The following FHIT variants were observed in gnomAD, a reference collection of about 807,000 sequenced individuals.
The protein encoded by FHIT is bis(5'-adenosyl)-triphosphatase.
A neutral mutation model predicts 17.9 loss-of-function variants in FHIT; 19 were observed. The observed-to-expected ratio is 1.06, with a 90% CI of 0.74 to 1.56. The LOEUF (loss-of-function observed/expected upper bound fraction) is 1.56, where lower values mean the gene tolerates loss of function less well. Among genes scored for constraint, FHIT ranks in the 40% most tolerant of loss-of-function variants. FHIT has a pLI of 0.00. For missense variants in FHIT, 248 were observed against 189.2 expected (o/e 1.31, Z -1.82); for synonymous variants, 81 against 69.7 (o/e 1.16, Z -0.81).
intron 5 of FHIT, among the ~76,000 whole-genome samples, chr3:60,530,135 T>G (rs1239889710): frequency 6.6e-6 from 1 of 151,968 alleles, no homozygotes; most frequent in Non-Finnish European, 1.5e-5. Flanking sequence ...GGAAGACAGG[T>G]CAAGATCAAG....
At chr3:61,200,346 A>G (rs961852416) in intron 2 of FHIT, among the ~76,000 whole-genome samples, 1 of 152,226 alleles carries the variant, frequency 6.6e-6, no homozygotes, top group Non-Finnish European at 1.5e-5. Context: ...TAGTAAACTT[A>G]GCTCCATTGG....
intron 5 of FHIT, among the ~76,000 whole-genome samples, chr3:60,160,828 C>CAG (rs5849337): frequency 3.6e-4 from 52 of 144,932 alleles, no homozygotes; most frequent in Middle Eastern, 3.5e-3. Context: ...GTGAGTGTGA[C>CAG]AGAGAGAGAG....
chr3:60,023,558 T>C (rs185643795), intron 5 of FHIT, among the ~76,000 whole-genome samples: 6 of 152,266 alleles, frequency 3.9e-5, no homozygotes, highest in Admixed American at 3.3e-4. Context: ...AGATCTTCCA[T>C]ATAGCTGGCC....
chr3:60,913,496 G>C (rs782696474), intron 3 of FHIT, among the ~76,000 whole-genome samples: 14 of 152,284 alleles, frequency 9.2e-5, no homozygotes, highest in Non-Finnish European at 1.8e-4. Context: ...CAGATGATTT[G>C]TAGGCATATT....
chr3:60,228,433 C>G (rs1264327204), intron 5 of FHIT, among the ~76,000 whole-genome samples: 3 of 152,034 alleles, frequency 2.0e-5, no homozygotes, highest in African/African-American at 7.2e-5. Flanking sequence ...ACTAAAAAAG[C>G]CACTGAATTG....
In FHIT at chr3:60,989,647, T is replaced by G. The variant is rs139666705; in HGVS notation, c.-111+52400A>C. Among the ~76,000 whole-genome samples, 562 of 152,334 alleles carry G rather than the reference T, an allele frequency of 3.7e-3. 7 individuals are homozygous for G. Among genetic ancestry groups the G allele is most frequent in the African/African-American group, 0.013 (533 of 41,578 alleles). ...AGTGAGGCTGTTAATCCCTCCCCAC[T>G]GTTAACCAGGAAAACTCTACTTCTG... On this transcript the variant is annotated intron_variant, in intron 3 of 9. Transcript: ENST00000492590.
intron 5 of FHIT, among the ~76,000 whole-genome samples, chr3:60,518,447 G>A (rs2035238480): frequency 6.6e-6 from 1 of 152,108 alleles, no homozygotes; most frequent in Non-Finnish European, 1.5e-5. Context: ...CTTGGAAAAG[G>A]TTAGGCCAAA....
At chr3:60,444,289 T>C (rs938674723) in intron 5 of FHIT, among the ~76,000 whole-genome samples, 4 of 152,158 alleles carry the variant, frequency 2.6e-5, no homozygotes, top group African/African-American at 9.7e-5. Flanking sequence ...AGTGTGGCGG[T>C]TCCTCAGGGA....
At chr3:60,493,041 A>G (rs1183410031) in intron 5 of FHIT, among the ~76,000 whole-genome samples, 3 of 152,214 alleles carry the variant, frequency 2.0e-5, no homozygotes, top group African/African-American at 7.2e-5. Flanking sequence ...GAATTGATGG[A>G]TAAGTGCCAA....
At chr3:60,971,666 T>A (rs1020026036) in intron 3 of FHIT, among the ~76,000 whole-genome samples, 2 of 152,186 alleles carry the variant, frequency 1.3e-5, no homozygotes, top group African/African-American at 4.8e-5. Flanking sequence ...TTGTTTGCAG[T>A]TAGATCTAGA....
At position 60,544,596 on chromosome 3, in the gene FHIT, A is replaced by T. The variant is rs75320429; in HGVS notation, c.-17-7617T>A. Among the ~76,000 whole-genome samples the T allele has an allele frequency of 3.0e-3, 368 of 124,348 alleles. 2 individuals are homozygous for T. Among genetic ancestry groups the T allele is most frequent in the Middle Eastern group, 8.8e-3 (2 of 226 alleles). 81.6% of individuals were successfully genotyped at this position (124,348 alleles called of 152,430 possible). On this transcript the variant is annotated intron_variant, in intron 4 of 9. Coordinates refer to ENST00000492590, the MANE Select transcript of FHIT (RefSeq NM_002012.4). Reference sequence around the variant, plus strand: ...AAGTTGGCCAATAATTTCTCAACCTATTTTTTTTTTTTTTTTTTTGAGACA... The same window carrying T: ...AAGTTGGCCAATAATTTCTCAACCTTTTTTTTTTTTTTTTTTTTTGAGACA...
chr3:60,252,639 A>C (rs923906399), intron 5 of FHIT, among the ~76,000 whole-genome samples: 16 of 152,148 alleles, frequency 1.1e-4, no homozygotes, highest in African/African-American at 3.6e-4. Context: ...CCTTTATTCC[A>C]GCAGCTAGTA....
chr3:60,299,862 A>T (rs912963904), intron 5 of FHIT, among the ~76,000 whole-genome samples: 10 of 152,048 alleles, frequency 6.6e-5, no homozygotes, highest in Admixed American at 2.6e-4. Context: ...ACGTTTTTCA[A>T]TGTGTGTATG....
intron 8 of FHIT, among the ~76,000 whole-genome samples, chr3:59,872,655 G>C (rs752465975): frequency 1.3e-5 from 2 of 152,180 alleles, no homozygotes; most frequent in Non-Finnish European, 2.9e-5. Flanking sequence ...ACTCTGAAGA[G>C]TTATGGATGT....
chr3:60,373,591 A>T (rs963283679), intron 5 of FHIT, among the ~76,000 whole-genome samples: 5 of 152,106 alleles, frequency 3.3e-5, no homozygotes, highest in African/African-American at 1.2e-4. Context: ...TGAGTGTATA[A>T]GCCGTCTCCC....
chr3:60,715,659 A>G (rs1427647826), intron 4 of FHIT, among the ~76,000 whole-genome samples: 3 of 150,442 alleles, frequency 2.0e-5, no homozygotes, highest in Non-Finnish European at 1.5e-5. Context: ...CTTAGGAGAT[A>G]TACCTAATGC....
chr3:60,610,866 G>A (rs2038764803), intron 4 of FHIT, among the ~76,000 whole-genome samples: 1 of 152,128 alleles, frequency 6.6e-6, no homozygotes, highest in Non-Finnish European at 1.5e-5. Flanking sequence ...GAGGCATGGT[G>A]CAATGATGAG....
intron 4 of FHIT, chr3:60,732,516 C>A (rs1205742913): frequency 1.1e-5 from 7 of 663,930 alleles, no homozygotes; most frequent in Non-Finnish European, 2.0e-5. Context: ...TTCTTTCCAG[C>A]GCTCAGAGCA....
intron 8 of FHIT, among the ~76,000 whole-genome samples, chr3:59,809,973 TA>T (rs1046325378): frequency 3.9e-5 from 6 of 152,136 alleles, no homozygotes; most frequent in African/African-American, 1.4e-4. Flanking sequence ...TGGTGGTTAC[TA>T]GGGGATACGT....
Sources: gnomAD v4.1 joint callset for allele counts (sites outside exome capture counted in the v4.1 genomes callset) on GRCh38, gnomAD v4.1.1 for gene constraint, MANE v1.5 for transcripts, NCBI Gene and HGNC (gene_info 2026-07-23, HGNC 2026-07-21) for gene names.